WDR11: variants seen among roughly 807,000 people sequenced by gnomAD.
WDR11 encodes WD repeat-containing protein 11.
A neutral mutation model predicts 151.2 loss-of-function variants in WDR11; 83 were observed. That is an observed-to-expected ratio of 0.55 (90% CI 0.46 to 0.66). The LOEUF (loss-of-function observed/expected upper bound fraction) is 0.66, where lower values mean the gene tolerates loss of function less well. Among genes scored for constraint, WDR11 ranks in the 30% least tolerant of loss-of-function variants. The pLI, the probability that WDR11 is intolerant of heterozygous loss-of-function variation, is 0.00. For missense variants in WDR11, 1,301 were observed against 1,480.9 expected (o/e 0.88, Z 1.99); for synonymous variants, 484 against 533.1 (o/e 0.91, Z 1.27).
intron 14 of WDR11, 35 bp from the exon 15 acceptor site, chr10:120,885,779 T>G (rs2133784724): frequency 1.2e-6 from 2 of 1,612,260 alleles, no homozygotes; most frequent in East Asian, 4.5e-5. Context: ...GAAGGAAACC[T>G]AGCACTTCTA....
intron 19 of WDR11, among the ~76,000 whole-genome samples, chr10:120,898,718 T>C (rs1347315058): frequency 1.3e-5 from 2 of 152,212 alleles, no homozygotes; most frequent in Non-Finnish European, 2.9e-5. Context: ...GCTGGCTCTC[T>C]CCTGCTGCCA....
intron 2 of WDR11, among the ~76,000 whole-genome samples, chr10:120,856,900 A>G (rs1845966652): frequency 6.6e-6 from 1 of 152,146 alleles, no homozygotes; most frequent in Non-Finnish European, 1.5e-5. Context: ...TGAATACTGA[A>G]ACTTTGTTTG....
chr10:120,864,893 A>T (rs1846260496), intron 5 of WDR11, among the ~76,000 whole-genome samples, 154 bp from the exon 6 acceptor site: 1 of 152,216 alleles, frequency 6.6e-6, no homozygotes, highest in South Asian at 2.1e-4. Flanking sequence ...CATAGTAGAG[A>T]TCTAAGTTTT....
chr10:120,865,706 C>G lies in WDR11; in HGVS notation c.956C>G (p.Ser319Cys). ...TGTATAACTTTACGTGTTCGAAGAT[C>G]TTATAATAACATTTTTACCACTTCA... The part of the protein sequence containing the change: ...NGCITLRVRR[S>C]YNNIFTTSNE... The change falls in exon 7 of 29, where the codon TCT (serine) becomes TGT (cysteine). Residue 319 changes from serine to cysteine, a missense_variant. Coordinates refer to ENST00000263461, the MANE Select transcript of WDR11 (RefSeq NM_018117.12). The G allele has an allele frequency of 6.2e-7, 1 of 1,610,272 alleles. No homozygotes were observed. The highest frequency in any genetic ancestry group is 8.5e-7 in the Non-Finnish European group (1 of 1,178,528).
chr10:120,880,699 T>A, intron 12 of WDR11, 127 bp from the exon 13 acceptor site: 1 of 818,776 alleles, frequency 1.2e-6, no homozygotes, highest in Non-Finnish European at 1.9e-6. Context: ...TAGAAGCAAA[T>A]GGAAGAATGA....
intron 13 of WDR11, among the ~76,000 whole-genome samples, chr10:120,882,750 T>C (rs1181750836): frequency 6.6e-6 from 1 of 152,082 alleles, no homozygotes; most frequent in Non-Finnish European, 1.5e-5. Context: ...TTTTATTTAT[T>C]GATCTTTTCC....
chr10:120,887,966 A>G (rs1051894263), intron 16 of WDR11, among the ~76,000 whole-genome samples: 1 of 152,034 alleles, frequency 6.6e-6, no homozygotes, highest in Non-Finnish European at 1.5e-5. Context: ...TTATTATAAT[A>G]TTGATTTTTA....
At position 120,858,663 on chromosome 10, in the gene WDR11, C is replaced by G; in HGVS notation, c.219C>G (p.Asn73Lys). The G allele has an allele frequency of 1.9e-6, 3 of 1,614,254 alleles. No homozygotes were observed. Among genetic ancestry groups the G allele is most frequent in the Non-Finnish European group, 2.5e-6 (3 of 1,180,052 alleles). The part of the protein sequence containing the change: ...DVVKVKWARE[N>K]YHHNIGSPYC... ...TACAGGTTAAATGGGCCAGGGAAAA[C>G]TATCACCATAACATTGGCTCACCAT... Residue 73 changes from asparagine (N) to lysine (K), a missense_variant, in exon 3 of 29, where the codon AAC (asparagine) becomes AAG (lysine). Asn to Lys is a moderately conservative substitution (Grantham distance 94). Coordinates refer to ENST00000263461, the MANE Select transcript of WDR11 (RefSeq NM_018117.12).
In WDR11 at chr10:120,865,091, T is replaced by A. The variant is rs1315659584; in HGVS notation, c.758T>A (p.Leu253Gln). 3 of 1,613,990 alleles carry A rather than the reference T, an allele frequency of 1.9e-6. No individual in the cohort carries two copies. The highest frequency in any genetic ancestry group is 2.2e-5 in the South Asian group (2 of 91,080). The stretch of plus-strand genomic sequence containing the variant: ...AATGATTGCCTTCAGTTGGCATACC[T>A]GCCTTCAAAAAGGAATCACATGTTG... ...TLNDCLQLAYLPSKRNHMLLL... is the reference protein window; with the variant it reads ...TLNDCLQLAYQPSKRNHMLLL... Residue 253 changes from leucine (L) to glutamine (Q), a missense_variant, in exon 6 of 29, where the codon CTG becomes CAG. This residue lies in a region of WDR11 where 692 missense variants were observed against 762.5 expected (regional missense o/e 0.91). Coordinates refer to ENST00000263461, the MANE Select transcript of WDR11 (RefSeq NM_018117.12).
At chr10:120,889,007 T>C in intron 16 of WDR11, 71 bp from the exon 17 acceptor site, 1 of 1,192,812 alleles carries the variant, frequency 8.4e-7, no homozygotes, top group African/African-American at 1.5e-5. Flanking sequence ...TTAAGTTTTA[T>C]TAAAATATTT....
chr10:120,853,316 A>G (rs1378641013), intron 2 of WDR11, among the ~76,000 whole-genome samples: 1 of 151,414 alleles, frequency 6.6e-6, no homozygotes, highest in Non-Finnish European at 1.5e-5. Context: ...CCCAGGCTGG[A>G]GTGCAGTGGC....
At chr10:120,885,284 T>C (rs1550347) in intron 14 of WDR11, among the ~76,000 whole-genome samples, 54,486 of 143,576 alleles carry the variant, frequency 0.38, 10,001 homozygotes, top group Admixed American at 0.44. Flanking sequence ...TATATATATA[T>C]ATACACACAC....
chr10:120,851,627 C>T, intron 1 of WDR11, 121 bp downstream of exon 1: 1 of 1,192,970 alleles, frequency 8.4e-7, no homozygotes, highest in Non-Finnish European at 1.2e-6. Flanking sequence ...GAGCCGCCCT[C>T]ACGCAATGAG....
rs1375638305 is a variant in WDR11 at position 120,867,881 on chromosome 10, A to G, written c.1294+712A>G. The stretch of plus-strand genomic sequence containing the variant: ...TTTATGTTGGGGATTCTTTCAAAAA[A>G]TCATTTTTGGAGATAAAGTGTTCAA... On this transcript the variant is annotated intron_variant, in intron 9 of 28. Transcript: ENST00000263461. Among the ~76,000 whole-genome samples, 4 of 152,242 alleles carry G rather than the reference A, an allele frequency of 2.6e-5. 1 individual carries two copies. Among genetic ancestry groups the G allele is most frequent in the African/African-American group, 9.6e-5 (4 of 41,458 alleles).
chr10:120,880,964 A>C, intron 13 of WDR11, 63 bp downstream of exon 13: 3 of 1,443,444 alleles, frequency 2.1e-6, no homozygotes, highest in Non-Finnish European at 2.9e-6. Flanking sequence ...GGATTTTTTT[A>C]ATCTTTAAGA....
intron 20 of WDR11, 74 bp downstream of exon 20, chr10:120,900,211 C>A: frequency 8.1e-7 from 1 of 1,234,550 alleles, no homozygotes; most frequent in Non-Finnish European, 1.2e-6. Context: ...TCAGCCATGG[C>A]CTGTACTCCA....
In WDR11 at chr10:120,909,062, A is replaced by T; in HGVS notation, c.*349A>T. The T allele has an allele frequency of 3.3e-6, 1 of 303,784 alleles. No homozygotes were observed. Among genetic ancestry groups the T allele is most frequent in the Non-Finnish European group, 6.3e-6 (1 of 158,802 alleles). The allele number at this position is 303,784 out of a possible 1,614,324, so 18.8% of individuals were successfully genotyped here. On this transcript the variant is annotated 3_prime_UTR_variant, in exon 29 of 29. Coordinates refer to ENST00000263461, the MANE Select transcript of WDR11 (RefSeq NM_018117.12). Reference sequence around the variant, plus strand: ...TTCTCATTGATTAAATGTAAAGATTATTGAGAAACCTATAGTAAATGAAAT... The same window carrying T: ...TTCTCATTGATTAAATGTAAAGATTTTTGAGAAACCTATAGTAAATGAAAT...
At chr10:120,906,986 A>G in intron 28 of WDR11, 131 bp downstream of exon 28, 1 of 1,399,736 alleles carries the variant, frequency 7.1e-7, no homozygotes, top group Non-Finnish European at 1.0e-6. Context: ...TGATTTTCTG[A>G]TTCACCAAAG....
intron 2 of WDR11, among the ~76,000 whole-genome samples, chr10:120,857,362 T>C (rs1845984065): frequency 6.6e-6 from 1 of 152,200 alleles, no homozygotes; most frequent in Non-Finnish European, 1.5e-5. Flanking sequence ...ACTGCAAGTA[T>C]TGATTTTGAG....
Sources: allele counts gnomAD v4.1 joint callset (sites outside exome capture counted in the v4.1 genomes callset), GRCh38; gene constraint gnomAD v4.1.1; regional missense constraint gnomAD v4.1.1; transcripts MANE v1.5; gene names NCBI Gene and HGNC (gene_info 2026-07-23, HGNC 2026-07-21).